Variants in TNNI3K observed in about 807,000 individuals in gnomAD.
The protein encoded by TNNI3K is TNNI3 interacting kinase.
A neutral mutation model predicts 114.5 loss-of-function variants in TNNI3K; 140 were observed. The ratio of observed to expected loss-of-function variants is 1.22; its 90% CI spans 1.07 to 1.41. The LOEUF (loss-of-function observed/expected upper bound fraction) is 1.41, where lower values mean the gene tolerates loss of function less well. Among genes scored for constraint, TNNI3K ranks in the 40% most tolerant of loss-of-function variants. The pLI is 0.00. For missense variants in TNNI3K, 1,125 were observed against 1,007.6 expected (o/e 1.12, Z -1.58); for synonymous variants, 347 against 347.5 (o/e 1.00, Z 0.02).
chr1:74,418,109 G>T, intron 17 of TNNI3K: 2 of 441,132 alleles, frequency 4.5e-6, no homozygotes, highest in Non-Finnish European at 9.1e-6. Context: ...ATGTTATATG[G>T]GACTGTGGGA....
rs181673231 is a variant in TNNI3K, at chr1:74,325,970, A to T, written c.445-5480A>T. 1.5e-4 allele frequency among the ~76,000 whole-genome samples: 23 copies of T among 152,330 alleles called. No homozygotes were observed. The East Asian group carries it at 4.1e-3, about 27-fold the overall frequency. On this transcript the variant is annotated intron_variant, in intron 5 of 24. Transcript: ENST00000326637. ...AAATGGAAATGGGTGTCATCCCAAT[A>T]CAGCTTCATTGTTCTTCTCTCTATA...
chr1:74,318,273 A>C (rs1659426031), intron 5 of TNNI3K, among the ~76,000 whole-genome samples: 1 of 152,200 alleles, frequency 6.6e-6, no homozygotes, highest in Non-Finnish European at 1.5e-5. Context: ...AGAAATCCCT[A>C]AGGAGCTATT....
At chr1:74,454,531 T>C (rs2100704960) in intron 20 of TNNI3K, among the ~76,000 whole-genome samples, 1 of 152,308 alleles carries the variant, frequency 6.6e-6, no homozygotes, top group African/African-American at 2.4e-5. Flanking sequence ...CCATCCATGT[T>C]GTTGCAAATG....
intron 5 of TNNI3K, among the ~76,000 whole-genome samples, chr1:74,313,537 G>A (rs1659116495): frequency 6.6e-6 from 1 of 152,102 alleles, no homozygotes; most frequent in Non-Finnish European, 1.5e-5. Context: ...GGCTTTTAGA[G>A]CCTCACTAAG....
At chr1:74,532,752 A>C (rs1482257245) in intron 23 of TNNI3K, among the ~76,000 whole-genome samples, 1 of 152,054 alleles carries the variant, frequency 6.6e-6, no homozygotes, top group Non-Finnish European at 1.5e-5. Context: ...GCCCTCAGAA[A>C]TAATGCTGCA....
At chr1:74,246,456 G>T (rs916708393) in intron 2 of TNNI3K, among the ~76,000 whole-genome samples, 1 of 152,202 alleles carries the variant, frequency 6.6e-6, no homozygotes, top group Non-Finnish European at 1.5e-5. Context: ...AATAAAAAGG[G>T]AATGAAAACT....
At chr1:74,530,810 G>A (rs1305566647) in intron 23 of TNNI3K, among the ~76,000 whole-genome samples, 1 of 151,684 alleles carries the variant, frequency 6.6e-6, no homozygotes, top group Non-Finnish European at 1.5e-5. Context: ...AGTTTTAGCA[G>A]TCAAGGCATG....
chr1:74,367,789 T>A (rs759481376), intron 12 of TNNI3K, 119 bp from the exon 13 acceptor site: 1 of 885,658 alleles, frequency 1.1e-6, no homozygotes, highest in Non-Finnish European at 1.7e-6. Flanking sequence ...AGAGAAAGAT[T>A]TGGGCCTGAA....
chr1:74,447,401 A>G (rs1666752204), intron 20 of TNNI3K, among the ~76,000 whole-genome samples: 2 of 149,286 alleles, frequency 1.3e-5, no homozygotes, highest in Admixed American at 1.3e-4. Flanking sequence ...ATGAACTCAA[A>G]CAAATTTACA....
intron 23 of TNNI3K, among the ~76,000 whole-genome samples, chr1:74,530,178 T>C (rs1214355634): frequency 6.6e-6 from 1 of 152,154 alleles, no homozygotes; most frequent in Non-Finnish European, 1.5e-5. Flanking sequence ...TCTATATCCA[T>C]CACACTCATG....
intron 4 of TNNI3K, among the ~76,000 whole-genome samples, chr1:74,268,906 A>G (rs1172030754): frequency 2.0e-5 from 3 of 151,890 alleles, no homozygotes; most frequent in Non-Finnish European, 1.5e-5. Flanking sequence ...AAAAAAATCC[A>G]AATACCCCAT....
At chr1:74,471,144 A>G (rs889423795) in intron 21 of TNNI3K, 1 of 400,596 alleles carries the variant, frequency 2.5e-6, no homozygotes, top group African/African-American at 2.1e-5. Flanking sequence ...CAGCTGAGTA[A>G]CAGCTGCTTT....
chr1:74,235,694 A>C (rs45614936), intron 1 of TNNI3K, among the ~76,000 whole-genome samples: 3,471 of 151,570 alleles, frequency 0.023, 139 homozygotes, highest in African/African-American at 0.08. Flanking sequence ...TTCTTACAAA[A>C]ATATTATTTT....
intron 23 of TNNI3K, among the ~76,000 whole-genome samples, chr1:74,510,798 A>C (rs1226017066): frequency 6.6e-6 from 1 of 152,246 alleles, no homozygotes; most frequent in Non-Finnish European, 1.5e-5. Flanking sequence ...CTCTAGGTAC[A>C]CAGCACTGTG....
chr1:74,261,564 A>G (rs1655677685), intron 4 of TNNI3K, among the ~76,000 whole-genome samples: 1 of 152,078 alleles, frequency 6.6e-6, no homozygotes, highest in Non-Finnish European at 1.5e-5. Flanking sequence ...TCTAAATTGT[A>G]TTCCTAAAAT....
At chr1:74,306,243 A>G (rs1366361878) in intron 5 of TNNI3K, among the ~76,000 whole-genome samples, 2 of 152,172 alleles carry the variant, frequency 1.3e-5, no homozygotes, top group Admixed American at 6.5e-5. Context: ...ATTCCATGGT[A>G]CATATGTACC....
intron 17 of TNNI3K, among the ~76,000 whole-genome samples, chr1:74,427,613 A>G (rs1665699808): frequency 6.6e-6 from 1 of 152,060 alleles, no homozygotes; most frequent in Non-Finnish European, 1.5e-5. Flanking sequence ...TCAATTTTAA[A>G]TTTAAAAAAA....
At chr1:74,529,489 G>A (rs1212402147) in intron 23 of TNNI3K, among the ~76,000 whole-genome samples, 12 of 152,144 alleles carry the variant, frequency 7.9e-5, no homozygotes, top group African/African-American at 1.2e-4. Flanking sequence ...AAAGAAACAT[G>A]ACAATTCAGT....
intron 4 of TNNI3K, among the ~76,000 whole-genome samples, chr1:74,252,972 ATTTTACAGAGAGCTGATTGGTCCG>A (rs1053332119): frequency 3.9e-5 from 6 of 151,978 alleles, no homozygotes; most frequent in Non-Finnish European, 7.4e-5. Flanking sequence ...TGACTGGTCC[ATTTTACAGAGAGCTGATTGGTCCG>A]TTTTACAGAG....
Sources: gnomAD v4.1 joint callset for allele counts (sites outside exome capture counted in the v4.1 genomes callset) on GRCh38, gnomAD v4.1.1 for gene constraint, MANE v1.5 for transcripts, NCBI Gene and HGNC (gene_info 2026-07-23, HGNC 2026-07-21) for gene names.